The following NEIL3 variants were observed in gnomAD, a reference collection of about 807,000 sequenced individuals.
NEIL3 encodes endonuclease 8-like 3.
NEIL3 carries 48 observed loss-of-function variants against 57.5 expected under a neutral mutation model. The ratio of observed to expected loss-of-function variants is 0.83; its 90% CI spans 0.66 to 1.06. The LOEUF (loss-of-function observed/expected upper bound fraction) is 1.06, where lower values mean the gene tolerates loss of function less well. Among genes scored for constraint, NEIL3 ranks in the 50% least tolerant of loss-of-function variants. The pLI is 0.00. For synonymous variants in NEIL3, 261 were observed against 253.2 expected (o/e 1.03, Z -0.29); for missense variants, 717 against 739.1 (o/e 0.97, Z 0.35).
intron 2 of NEIL3, among the ~76,000 whole-genome samples, chr4:177,326,086 T>C (rs1734775422): frequency 6.6e-6 from 1 of 152,150 alleles, no homozygotes; most frequent in Non-Finnish European, 1.5e-5. Flanking sequence ...CATGGTTCAT[T>C]CATACGTTTT....
In NEIL3 at chr4:177,351,468, C is replaced by T. The variant is rs1735350791; in HGVS notation, c.958C>T (p.His320Tyr). The change falls in exon 7 of 10, where the codon CAC (histidine) becomes TAC (tyrosine). Residue 320 changes from histidine (H) to tyrosine (Y), a missense_variant. His to Tyr is a moderately conservative substitution (Grantham distance 83). Coordinates refer to ENST00000264596, the MANE Select transcript of NEIL3 (RefSeq NM_018248.3). The stretch of plus-strand genomic sequence containing the variant: ...CTCCGTGGCTCGGAAGTCGGAAGAG[C>T]ACTGGACCTGTGTGGTGTGTACTTT... ...MDSVARKSEE[H>Y]WTCVVCTLIN... 6.2e-7 allele frequency: 1 copy of T among 1,613,816 alleles called. No homozygotes were observed. Among genetic ancestry groups the T allele is most frequent in the East Asian group, 2.2e-5 (1 of 44,852 alleles).
intron 5 of NEIL3, 100 bp from the exon 6 acceptor site, chr4:177,341,376 A>G (rs1378170492): frequency 4.5e-6 from 4 of 891,184 alleles, no homozygotes; most frequent in Non-Finnish European, 6.6e-6. Context: ...GTAAATTTTT[A>G]GCAGATGATT....
chr4:177,328,010 T>C (rs543070498), intron 2 of NEIL3, among the ~76,000 whole-genome samples: 1 of 152,324 alleles, frequency 6.6e-6, no homozygotes, highest in African/African-American at 2.4e-5. Flanking sequence ...TGGTGTTATT[T>C]TTCTGTTACT....
chr4:177,353,281 T>C, intron 7 of NEIL3, 27 bp from the exon 8 acceptor site: 3 of 1,572,034 alleles, frequency 1.9e-6, no homozygotes, highest in South Asian at 1.2e-5. Flanking sequence ...ATGGGACTAT[T>C]GCAGAATTAC....
downstream of NEIL3, among the ~76,000 whole-genome samples, chr4:177,366,399 C>A (rs1735693470): frequency 6.6e-6 from 1 of 152,132 alleles, no homozygotes; most frequent in Non-Finnish European, 1.5e-5. Flanking sequence ...ATTATCTCTT[C>A]CAATACTTTT....
chr4:177,362,527 T>A lies in NEIL3; in HGVS notation c.*56T>A. On this transcript the variant is annotated 3_prime_UTR_variant, in exon 10 of 10. Coordinates refer to ENST00000264596, the MANE Select transcript of NEIL3 (RefSeq NM_018248.3). ...TCAAACTGTGTATAATGTTTGGTCC[T>A]CCTCTGTTTCATAGAAAAGTCATAG... 1 of 1,308,280 alleles carries A rather than the reference T, an allele frequency of 7.6e-7. No homozygotes were observed. The highest frequency in any genetic ancestry group is 2.4e-5 in the Admixed American group (1 of 42,334). The allele number at this position is 1,308,280 out of a possible 1,614,324, so 81.0% of individuals were successfully genotyped here.
intron 1 of NEIL3, among the ~76,000 whole-genome samples, chr4:177,315,025 C>T (rs1416506403): frequency 1.4e-5 from 2 of 146,782 alleles, no homozygotes; most frequent in South Asian, 2.2e-4. Flanking sequence ...GCCGAGATCG[C>T]GCCACTGCAC....
intron 8 of NEIL3, among the ~76,000 whole-genome samples, chr4:177,357,194 G>A (rs1047657797): frequency 6.6e-6 from 1 of 152,164 alleles, no homozygotes; most frequent in Non-Finnish European, 1.5e-5. Flanking sequence ...TCTACATTCA[G>A]TGAGACCGAT....
Position 177,309,892 on chromosome 4 carries a change from A to T in NEIL3, c.-62A>T. ...TGCGGTCAGTGCCCGCGCAGCGTTG[A>T]GTTGCACAGCGGTATTCTCACCAGG... On this transcript the variant is annotated 5_prime_UTR_variant, in exon 1 of 10. Coordinates refer to ENST00000264596, the MANE Select transcript of NEIL3 (RefSeq NM_018248.3). The T allele has an allele frequency of 6.5e-7, 1 of 1,549,496 alleles. No individual in the cohort carries two copies. Among genetic ancestry groups the T allele is most frequent in the Non-Finnish European group, 8.7e-7 (1 of 1,151,508 alleles).
intron 2 of NEIL3, among the ~76,000 whole-genome samples, chr4:177,327,986 G>A (rs953505155): frequency 2.0e-5 from 3 of 152,094 alleles, no homozygotes; most frequent in Admixed American, 1.3e-4. Flanking sequence ...GTCTTCATAA[G>A]AGATATTGCA....
intron 4 of NEIL3, among the ~76,000 whole-genome samples, chr4:177,338,216 A>G (rs1735016458): frequency 6.6e-6 from 1 of 152,242 alleles, no homozygotes; most frequent in Non-Finnish European, 1.5e-5. Flanking sequence ...TTGAATATGT[A>G]TAATACTTTC....
At chr4:177,324,251 C>T (rs1734738162) in intron 2 of NEIL3, among the ~76,000 whole-genome samples, 1 of 152,150 alleles carries the variant, frequency 6.6e-6, no homozygotes, top group Admixed American at 6.6e-5. Context: ...CCTGGCTCAT[C>T]TGCATTTGAT....
intron 8 of NEIL3, among the ~76,000 whole-genome samples, chr4:177,356,169 A>G (rs770470218): frequency 1.3e-5 from 2 of 152,208 alleles, no homozygotes; most frequent in Non-Finnish European, 2.9e-5. Context: ...TTGTACCTAG[A>G]TGAAATATCT....
Position 177,309,886 on chromosome 4 carries a change from G to C in NEIL3, c.-68G>C. On this transcript the variant is annotated 5_prime_UTR_variant, in exon 1 of 10. Coordinates refer to ENST00000264596, the MANE Select transcript of NEIL3 (RefSeq NM_018248.3). ...TCTGCGTGCGGTCAGTGCCCGCGCA[G>C]CGTTGAGTTGCACAGCGGTATTCTC... The C allele has an allele frequency of 1.3e-6, 2 of 1,542,774 alleles. No homozygotes were observed. Among genetic ancestry groups the C allele is most frequent in the Admixed American group, 2.1e-5 (1 of 47,126 alleles).
At chr4:177,353,864 C>G in intron 8 of NEIL3, 136 bp downstream of exon 8, 2 of 724,348 alleles carry the variant, frequency 2.8e-6, no homozygotes, top group Non-Finnish European at 4.5e-6. Flanking sequence ...CTCCCGCGTT[C>G]AAGCGATTCT....
rs142427084 is a variant in NEIL3, at chr4:177,336,313, G to A, written c.619G>A (p.Ala207Thr). The change falls in exon 4 of 10, where the codon GCT (alanine) becomes ACT (threonine). Residue 207 changes from alanine (A) to threonine (T), a missense_variant. Transcript: ENST00000264596. ...EALFDSGLHP[A>T]VKVCQLTDEQ... The stretch of plus-strand genomic sequence containing the variant: ...TCTCTTTGACAGTGGTCTCCACCCA[G>A]CTGTTAAAGTAAGTTTTAAGTATTT... 46 of 1,611,830 alleles carry A rather than the reference G, an allele frequency of 2.9e-5. No homozygotes were observed. The highest frequency in any genetic ancestry group is 3.7e-5 in the Non-Finnish European group (44 of 1,179,100).
chr4:177,331,754 A>G (rs1217363115), intron 2 of NEIL3, among the ~76,000 whole-genome samples: 14 of 152,234 alleles, frequency 9.2e-5, no homozygotes. Flanking sequence ...AGAAACAGTC[A>G]TGCCTCTTCT....
At chr4:177,346,379 G>A (rs977272548) in intron 6 of NEIL3, among the ~76,000 whole-genome samples, 20 of 152,048 alleles carry the variant, frequency 1.3e-4, no homozygotes, top group Non-Finnish European at 2.5e-4. Context: ...ATGTTGCCCA[G>A]GCTGGTTTTG....
intron 6 of NEIL3, among the ~76,000 whole-genome samples, chr4:177,350,911 G>GA (rs1735335284): frequency 6.6e-6 from 1 of 152,096 alleles, no homozygotes; most frequent in African/African-American, 2.4e-5. Flanking sequence ...GGGTCCAGGT[G>GA]AAAACATTTT....
Sources: gnomAD v4.1 joint callset for allele counts (sites outside exome capture counted in the v4.1 genomes callset) on GRCh38, gnomAD v4.1.1 for gene constraint, MANE v1.5 for transcripts, NCBI Gene and HGNC (gene_info 2026-07-23, HGNC 2026-07-21) for gene names.